TMTC2: variants seen among roughly 807,000 people sequenced by gnomAD.
TMTC2 encodes protein O-mannosyl-transferase TMTC2.
In TMTC2, 43 loss-of-function variants were observed where a neutral mutation model predicts 82.4. The observed-to-expected ratio is 0.52, with a 90% CI of 0.41 to 0.67. TMTC2 has a LOEUF of 0.67. Ranked by LOEUF, TMTC2 falls within the 30% of genes least tolerant of loss-of-function variation. The pLI, the probability that TMTC2 is intolerant of heterozygous loss-of-function variation, is 0.00. For missense variants in TMTC2, 919 were observed against 1,012.4 expected (o/e 0.91, Z 1.25); for synonymous variants, 408 against 381.9 (o/e 1.07, Z -0.80).
chr12:82,791,604 TA>T (rs1878475058), intron 1 of TMTC2, among the ~76,000 whole-genome samples: 1 of 152,166 alleles, frequency 6.6e-6, no homozygotes, highest in Non-Finnish European at 1.5e-5. Context: ...TATATGTTCA[TA>T]AAATCATGTT....
At chr12:82,731,466 G>A (rs1393104821) in intron 1 of TMTC2, among the ~76,000 whole-genome samples, 1 of 152,186 alleles carries the variant, frequency 6.6e-6, no homozygotes, top group Non-Finnish European at 1.5e-5. Flanking sequence ...TAATTTATGA[G>A]AAGTATTTAG....
intron 4 of TMTC2, among the ~76,000 whole-genome samples, chr12:82,951,125 A>T (rs936676906): frequency 6.6e-6 from 1 of 152,208 alleles, no homozygotes; most frequent in Non-Finnish European, 1.5e-5. Flanking sequence ...ACACTCTGAA[A>T]CAGATTTCAG....
In TMTC2 at chr12:83,027,973, T is replaced by A. The variant is rs192074499; in HGVS notation, c.2071-2825T>A. 1.4e-3 allele frequency among the ~76,000 whole-genome samples: 211 copies of A among 152,278 alleles called. 1 individual carries two copies. Among genetic ancestry groups the A allele is most frequent in the African/African-American group, 4.9e-3 (204 of 41,556 alleles). On this transcript the variant is annotated intron_variant, in intron 8 of 11. Transcript: ENST00000321196. Reference sequence around the variant, plus strand: ...CTTAAGTGGAAGCTTCTTTTTTAAATCTTTGCATATGACATTTGTATAGAC... The same window carrying A: ...CTTAAGTGGAAGCTTCTTTTTTAAAACTTTGCATATGACATTTGTATAGAC...
chr12:83,018,425 A>G (rs1880773298), intron 8 of TMTC2, among the ~76,000 whole-genome samples: 1 of 152,244 alleles, frequency 6.6e-6, no homozygotes, highest in African/African-American at 2.4e-5. Context: ...GGAATTATCC[A>G]GTGAATGCTT....
intron 1 of TMTC2, among the ~76,000 whole-genome samples, chr12:82,770,090 A>G (rs913583901): frequency 1.3e-5 from 2 of 152,192 alleles, no homozygotes; most frequent in Non-Finnish European, 2.9e-5. Context: ...TTCCCATAGA[A>G]TTTAAGTGTC....
chr12:82,820,083 C>T (rs942021280), intron 1 of TMTC2, among the ~76,000 whole-genome samples: 1 of 152,146 alleles, frequency 6.6e-6, no homozygotes, highest in African/African-American at 2.4e-5. Flanking sequence ...CGGCAGGAAG[C>T]ATCCAGCACG....
intron 1 of TMTC2, among the ~76,000 whole-genome samples, chr12:82,814,629 C>T (rs565001373): frequency 6.6e-6 from 1 of 152,130 alleles, no homozygotes; most frequent in Non-Finnish European, 1.5e-5. Flanking sequence ...AATTACCAAT[C>T]ATGATTAGAA....
intron 5 of TMTC2, 59 bp downstream of exon 5, chr12:82,965,168 CTAAT>C: frequency 1.6e-6 from 2 of 1,271,776 alleles, no homozygotes; most frequent in South Asian, 1.3e-5. Context: ...AAAATTAACT[CTAAT>C]TTACAGCCTC....
chr12:83,020,523 T>A (rs769732392), intron 8 of TMTC2, among the ~76,000 whole-genome samples: 5 of 152,240 alleles, frequency 3.3e-5, no homozygotes, highest in Non-Finnish European at 4.4e-5. Context: ...AATTCAAACA[T>A]AATTTCTACT....
chr12:82,767,140 C>T (rs1274063794), intron 1 of TMTC2, among the ~76,000 whole-genome samples: 2 of 152,124 alleles, frequency 1.3e-5, no homozygotes, highest in African/African-American at 4.8e-5. Context: ...GAGTGAACAA[C>T]TTGTGTGGTT....
chr12:82,889,914 A>G (rs1327385159), intron 2 of TMTC2, among the ~76,000 whole-genome samples: 1 of 152,020 alleles, frequency 6.6e-6, no homozygotes, highest in Admixed American at 6.6e-5. Flanking sequence ...TTCTTTTATA[A>G]ACAATGCTAA....
chr12:83,081,527 C>T (rs1221531882), intron 11 of TMTC2, among the ~76,000 whole-genome samples: 2 of 152,070 alleles, frequency 1.3e-5, no homozygotes, highest in Non-Finnish European at 1.5e-5. Context: ...GATCTGGATG[C>T]ATCACATCAG....
At chr12:82,877,859 TA>T (rs1383313361) in intron 2 of TMTC2, among the ~76,000 whole-genome samples, 1 of 152,136 alleles carries the variant, frequency 6.6e-6, no homozygotes, top group Non-Finnish European at 1.5e-5. Flanking sequence ...ATCAAACTGT[TA>T]AAGAAACGAG....
At chr12:82,871,389 G>A (rs1307375420) in intron 2 of TMTC2, among the ~76,000 whole-genome samples, 1 of 146,866 alleles carries the variant, frequency 6.8e-6, no homozygotes, top group Non-Finnish European at 1.5e-5. Flanking sequence ...CACATTACTT[G>A]GCTTTGGGAC....
chr12:82,689,034 A>AT (rs879264288), intron 1 of TMTC2, among the ~76,000 whole-genome samples: 8 of 152,198 alleles, frequency 5.3e-5, no homozygotes, highest in Non-Finnish European at 8.8e-5. Context: ...TTAGACATAC[A>AT]TTTTTTCTTA....
chr12:83,033,850 A>G (rs1372953644), intron 9 of TMTC2, among the ~76,000 whole-genome samples: 4 of 149,284 alleles, frequency 2.7e-5, no homozygotes, highest in East Asian at 2.0e-4. Context: ...ATGTATGTGT[A>G]TATATATATG....
intron 1 of TMTC2, among the ~76,000 whole-genome samples, chr12:82,796,198 G>A (rs1483178743): frequency 2.0e-5 from 3 of 152,216 alleles, no homozygotes; most frequent in South Asian, 4.1e-4. Context: ...TAGCCGGGAC[G>A]ACCTGGCTGA....
At chr12:82,909,545 T>G (rs1874509687) in intron 3 of TMTC2, among the ~76,000 whole-genome samples, 1 of 152,158 alleles carries the variant, frequency 6.6e-6, no homozygotes, top group East Asian at 1.9e-4. Context: ...TTTCACCATG[T>G]TAGCCAGGAC....
intron 11 of TMTC2, among the ~76,000 whole-genome samples, chr12:83,131,728 A>C (rs1252821152): frequency 2.0e-5 from 3 of 152,156 alleles, no homozygotes; most frequent in Non-Finnish European, 4.4e-5. Flanking sequence ...GTAAAATTTC[A>C]TAGTTTATTT....
Sources: gnomAD v4.1 joint callset for allele counts (sites outside exome capture counted in the v4.1 genomes callset) on GRCh38, gnomAD v4.1.1 for gene constraint, MANE v1.5 for transcripts, NCBI Gene and HGNC (gene_info 2026-07-23, HGNC 2026-07-21) for gene names.